Variants in COL19A1 observed in about 807,000 individuals in gnomAD.
COL19A1 encodes collagen alpha-1(XIX) chain.
In COL19A1, 159 loss-of-function variants were observed where a neutral mutation model predicts 190.2. The ratio of observed to expected loss-of-function variants is 0.84; its 90% confidence interval spans 0.73 to 0.95. COL19A1 has a LOEUF of 0.95. Ranked by LOEUF, COL19A1 falls within the 40% of genes least tolerant of loss-of-function variation. The pLI, the probability that COL19A1 is intolerant of heterozygous loss-of-function variation, is 0.00. For synonymous variants in COL19A1, 509 were observed against 458.9 expected, an observed-to-expected ratio of 1.11 and a Z score of -1.39; for missense variants, 1,418 against 1,431.9, an observed-to-expected ratio of 0.99 and a Z score of 0.16.
intron 11 of COL19A1, among the ~76,000 whole-genome samples, chr6:69,975,338 A>G (rs1056564543): frequency 8.5e-5 from 13 of 152,190 alleles, no homozygotes; most frequent in African/African-American, 2.9e-4. Context: ...TTGAGCAGTC[A>G]TTCATATAGG....
Position 70,168,063 on chromosome 6 carries a change from A to T in COL19A1, c.2484A>T (p.Leu828Phe). Residue 828 changes from leucine (L) to phenylalanine (F), a missense_variant, in exon 38 of 51, where the codon TTA (leucine) becomes TTT (phenylalanine). Coordinates refer to ENST00000620364, the MANE Select transcript of COL19A1 (RefSeq NM_001858.6). Reference protein sequence around the residue: ...PFNERNGMSSLYKIKGGVNVP... With the variant: ...PFNERNGMSSFYKIKGGVNVP... Reference sequence around the variant, plus strand: ...ATGAACGAAACGGCATGAGCAGTTTATATAAAATTAAGGTATTTATATTTG... The same window carrying T: ...ATGAACGAAACGGCATGAGCAGTTTTTATAAAATTAAGGTATTTATATTTG... 1 of 1,596,708 alleles carries T rather than the reference A, an allele frequency of 6.3e-7. No homozygotes were observed. Among genetic ancestry groups the T allele is most frequent in the Non-Finnish European group, 8.6e-7 (1 of 1,168,830 alleles).
chr6:69,958,772 C>T (rs564721102), intron 9 of COL19A1, among the ~76,000 whole-genome samples: 1 of 152,080 alleles, frequency 6.6e-6, no homozygotes, highest in African/African-American at 2.4e-5. Flanking sequence ...GTAAGAACCA[C>T]TAAAACTGTC....
chr6:70,176,505 T>G lies in COL19A1; in HGVS notation c.2623-15T>G. On this transcript the variant is annotated splice_polypyrimidine_tract_variant and intron_variant, in intron 41 of 50. Transcript: ENST00000620364. ...TTGATGTCATTAAAGTAGCAATGTT[T>G]TTAAATCCCAACAGGGAGATCGAGG... is the stretch of plus-strand genomic sequence containing the variant. The G allele has an allele frequency of 6.2e-7, 1 of 1,612,806 alleles. No homozygotes were observed. The highest frequency in any genetic ancestry group is 8.5e-7 in the Non-Finnish European group (1 of 1,179,446).
At chr6:70,071,076 C>T (rs1781517390) in intron 15 of COL19A1, among the ~76,000 whole-genome samples, 1 of 152,024 alleles carries the variant, frequency 6.6e-6, no homozygotes, top group South Asian at 2.1e-4. Flanking sequence ...AAATCATTAA[C>T]TTGTTGGTTT....
chr6:69,871,677 T>C (rs1031918070), intron 1 of COL19A1, among the ~76,000 whole-genome samples: 5 of 152,192 alleles, frequency 3.3e-5, no homozygotes, highest in African/African-American at 1.2e-4. Flanking sequence ...GTTTCAAAGA[T>C]GTACAATGAA....
intron 18 of COL19A1, among the ~76,000 whole-genome samples, chr6:70,130,748 G>A (rs140108205): frequency 2.0e-5 from 3 of 152,350 alleles, no homozygotes; most frequent in East Asian, 1.9e-4. Context: ...CTATAAGAAA[G>A]AGAACATATC....
At chr6:70,194,873 A>G (rs901822641) in intron 48 of COL19A1, among the ~76,000 whole-genome samples, 1 of 152,018 alleles carries the variant, frequency 6.6e-6, no homozygotes, top group African/African-American at 2.4e-5. Flanking sequence ...TGGGCTAAGT[A>G]TTCCCGAACA....
chr6:69,905,803 T>G (rs1247557691), intron 4 of COL19A1, among the ~76,000 whole-genome samples: 1 of 152,200 alleles, frequency 6.6e-6, no homozygotes, highest in East Asian at 1.9e-4. Flanking sequence ...TTGTTGGCTT[T>G]AAATTCATGT....
chr6:70,191,710 A>G (rs908291294), intron 48 of COL19A1, among the ~76,000 whole-genome samples: 40 of 152,192 alleles, frequency 2.6e-4, no homozygotes, highest in Non-Finnish European at 1.5e-5. Flanking sequence ...AATCAAGATT[A>G]CTCTTCTGAA....
At position 70,150,008 on chromosome 6, in the gene COL19A1, A is replaced by G. The variant is rs759056820; in HGVS notation, c.2000A>G (p.Asp667Gly). Residue 667 changes from aspartate to glycine, a missense_variant, in exon 30 of 51, where the codon GAT becomes GGT. Physicochemically the swap from Asp to Gly is moderately conservative, Grantham distance 94. Transcript: ENST00000620364. ...TGTTTTCAGGGAGTTCCAGGGAGAG[A>G]TGGAAAGCCAGGCCTGCCAGGCCCC... Reference protein sequence around the residue: ...TPGNDGVPGRDGKPGLPGPPG... With the variant: ...TPGNDGVPGRGGKPGLPGPPG... 6.2e-7 allele frequency: 1 copy of G among 1,613,766 alleles called. No homozygotes were observed. Among genetic ancestry groups the G allele is most frequent in the South Asian group, 1.1e-5 (1 of 91,066 alleles).
At chr6:70,018,903 C>T (rs921380500) in intron 11 of COL19A1, among the ~76,000 whole-genome samples, 11 of 152,200 alleles carry the variant, frequency 7.2e-5, no homozygotes, top group African/African-American at 2.6e-4. Flanking sequence ...GCATTAACTA[C>T]CCCCATTTTT....
intron 13 of COL19A1, among the ~76,000 whole-genome samples, chr6:70,034,547 C>T (rs1342238776): frequency 6.6e-6 from 1 of 152,168 alleles, no homozygotes; most frequent in Non-Finnish European, 1.5e-5. Flanking sequence ...CCTTGCTTAA[C>T]AGCATGAGGT....
intron 14 of COL19A1, among the ~76,000 whole-genome samples, chr6:70,055,781 TAAAAAAAAA>T (rs55871207): frequency 1.1e-4 from 13 of 117,470 alleles, no homozygotes; most frequent in Admixed American, 2.7e-4. Flanking sequence ...AACTCTGTAT[TAAAAAAAAA>T]AAAAAAAAAA....
chr6:70,197,873 G>A (rs986272862), intron 48 of COL19A1, among the ~76,000 whole-genome samples: 11 of 152,092 alleles, frequency 7.2e-5, no homozygotes, highest in Non-Finnish European at 1.0e-4. Flanking sequence ...ATTACTTTTC[G>A]GATAATGTCA....
chr6:69,923,713 C>A (rs1235749577), intron 4 of COL19A1, among the ~76,000 whole-genome samples: 1 of 152,126 alleles, frequency 6.6e-6, no homozygotes, highest in Non-Finnish European at 1.5e-5. Context: ...TGTTACAGGG[C>A]TGTGTGAAAA....
At chr6:70,027,381 C>G (rs985375295) in intron 12 of COL19A1, among the ~76,000 whole-genome samples, 1 of 152,170 alleles carries the variant, frequency 6.6e-6, no homozygotes, top group Non-Finnish European at 1.5e-5. Flanking sequence ...TTCAGTCTTT[C>G]TCAATGTGGC....
chr6:70,069,385 G>T (rs904384964), intron 15 of COL19A1, among the ~76,000 whole-genome samples: 9 of 152,066 alleles, frequency 5.9e-5, no homozygotes, highest in Non-Finnish European at 1.2e-4. Flanking sequence ...ATATTTGAGG[G>T]TCAGTGGTGT....
At chr6:69,966,898 G>A (rs1355152401) in intron 11 of COL19A1, among the ~76,000 whole-genome samples, 1 of 151,876 alleles carries the variant, frequency 6.6e-6, no homozygotes, top group Non-Finnish European at 1.5e-5. Context: ...ATATTACTTG[G>A]TTACATTTAT....
chr6:70,184,621 C>A, intron 44 of COL19A1, 82 bp from the exon 45 acceptor site: 1 of 1,074,282 alleles, frequency 9.3e-7, no homozygotes, highest in Admixed American at 2.2e-5. Context: ...GATTAAGGAA[C>A]TGTCCTCGAA....
Sources: gnomAD v4.1 joint callset for allele counts (sites outside exome capture counted in the v4.1 genomes callset) on GRCh38, gnomAD v4.1.1 for gene constraint, MANE v1.5 for transcripts, NCBI Gene and HGNC (gene_info 2026-07-23, HGNC 2026-07-21) for gene names.